CDH13: variants seen among roughly 807,000 people sequenced by gnomAD.
CDH13 encodes the protein cadherin-13.
A neutral mutation model predicts 63.8 loss-of-function variants in CDH13; 24 were observed. The ratio of observed to expected loss-of-function variants is 0.38; its 90% CI spans 0.27 to 0.53. CDH13 has a LOEUF of 0.53. Among genes scored for constraint, CDH13 ranks in the 20% least tolerant of loss-of-function variants. The probability of loss-of-function intolerance (pLI) is 0.85; values close to 1 mark genes in which losing one functional copy is unlikely to be tolerated. For missense variants in CDH13, 1,049 were observed against 903.1 expected (o/e 1.16, Z -2.07); for synonymous variants, 503 against 355.3 (o/e 1.42, Z -4.67).
chr16:83,284,154 A>C (rs1052952709), intron 5 of CDH13, among the ~76,000 whole-genome samples: 4 of 152,148 alleles, frequency 2.6e-5, no homozygotes, highest in Non-Finnish European at 2.9e-5. Flanking sequence ...ATTTCTTGTC[A>C]TTCATGAAGT....
At chr16:82,793,040 G>A (rs565816479) in intron 1 of CDH13, among the ~76,000 whole-genome samples, 3 of 152,366 alleles carry the variant, frequency 2.0e-5, no homozygotes, top group African/African-American at 7.2e-5. Flanking sequence ...GCAGCAGTCT[G>A]CCCCTGATGG....
intron 3 of CDH13, among the ~76,000 whole-genome samples, chr16:83,070,339 C>T (rs1159602419): frequency 6.6e-6 from 1 of 152,120 alleles, no homozygotes; most frequent in Non-Finnish European, 1.5e-5. Flanking sequence ...GCCTTCTGGC[C>T]ATAAGTACCA....
intron 6 of CDH13, among the ~76,000 whole-genome samples, chr16:83,422,388 T>TAG (rs1266007892): frequency 6.6e-6 from 1 of 152,218 alleles, no homozygotes; most frequent in Non-Finnish European, 1.5e-5. Flanking sequence ...CATGATGAAC[T>TAG]AGAACATCCA....
At chr16:83,236,886 G>T (rs1450836694) in intron 5 of CDH13, among the ~76,000 whole-genome samples, 1 of 152,086 alleles carries the variant, frequency 6.6e-6, no homozygotes, top group Non-Finnish European at 1.5e-5. Context: ...GAACTAGACA[G>T]AGGTGGTGGT....
At chr16:82,747,345 A>C (rs141741918) in intron 1 of CDH13, among the ~76,000 whole-genome samples, 49 of 152,294 alleles carry the variant, frequency 3.2e-4, no homozygotes, top group African/African-American at 1.1e-3. Flanking sequence ...TTAAAGTTAA[A>C]GTATGCACTT....
intron 1 of CDH13, among the ~76,000 whole-genome samples, chr16:82,828,559 A>C (rs1168922429): frequency 6.6e-6 from 1 of 152,122 alleles, no homozygotes; most frequent in African/African-American, 2.4e-5. Context: ...CCCGGGAGGC[A>C]GAGGTTGCAG....
At chr16:82,889,505 G>T (rs987762633) in intron 2 of CDH13, among the ~76,000 whole-genome samples, 2 of 152,240 alleles carry the variant, frequency 1.3e-5, no homozygotes, top group East Asian at 1.9e-4. Flanking sequence ...GGCATGTGCA[G>T]ATATGAGTGA....
chr16:83,131,092 C>T (rs8063435), intron 4 of CDH13, among the ~76,000 whole-genome samples: 9,422 of 151,476 alleles, frequency 0.062, 982 homozygotes, highest in African/African-American at 0.21. Flanking sequence ...TCTGCTTTTC[C>T]GTAATACGAG....
At chr16:82,900,666 C>T (rs9646330) in intron 2 of CDH13, among the ~76,000 whole-genome samples, 22,020 of 152,110 alleles carry the variant, frequency 0.14, 1,762 homozygotes, top group African/African-American at 0.2. Flanking sequence ...GATGAACCAA[C>T]GTCCCCGAGG....
intron 7 of CDH13, among the ~76,000 whole-genome samples, chr16:83,549,277 A>G (rs1567755932): frequency 6.6e-6 from 1 of 151,916 alleles, no homozygotes; most frequent in African/African-American, 2.4e-5. Context: ...TCTCCAGGTC[A>G]CCTCTCTGTG....
intron 4 of CDH13, among the ~76,000 whole-genome samples, chr16:83,165,730 A>G (rs1597450397): frequency 6.6e-6 from 1 of 152,154 alleles, no homozygotes; most frequent in Non-Finnish European, 1.5e-5. Flanking sequence ...AAAAATACAC[A>G]TGGGTGCCGG....
chr16:82,721,691 A>G (rs2032780213), intron 1 of CDH13, among the ~76,000 whole-genome samples: 1 of 152,232 alleles, frequency 6.6e-6, no homozygotes, highest in Non-Finnish European at 1.5e-5. Flanking sequence ...GTGCCAGGTC[A>G]TTCTGGTCTT....
At chr16:82,992,410 A>C (rs1911759149) in intron 2 of CDH13, among the ~76,000 whole-genome samples, 8 of 152,212 alleles carry the variant, frequency 5.3e-5, no homozygotes, top group Admixed American at 5.2e-4. Context: ...TATATAAAAA[A>C]TATCTTTAAG....
intron 4 of CDH13, among the ~76,000 whole-genome samples, chr16:83,197,271 GTA>G (rs71148817): frequency 0.14 from 21,104 of 147,216 alleles, 1,553 homozygotes; most frequent in South Asian, 0.17. Flanking sequence ...TGTATCATAG[GTA>G]TATATATATA....
At chr16:83,332,534 A>T (rs755018759) in intron 5 of CDH13, among the ~76,000 whole-genome samples, 3 of 152,216 alleles carry the variant, frequency 2.0e-5, no homozygotes, top group African/African-American at 4.8e-5. Context: ...GAAAAAGGGC[A>T]CGTAAAAATA....
intron 1 of CDH13, among the ~76,000 whole-genome samples, chr16:82,664,870 C>T (rs969041027): frequency 1.3e-5 from 2 of 152,154 alleles, no homozygotes; most frequent in Admixed American, 1.3e-4. Context: ...CATATATATT[C>T]TTACATATTT....
At chr16:82,839,575 C>A (rs1385071925) in intron 1 of CDH13, among the ~76,000 whole-genome samples, 1 of 152,172 alleles carries the variant, frequency 6.6e-6, no homozygotes, top group Non-Finnish European at 1.5e-5. Flanking sequence ...GCTCCAATTA[C>A]CTTCATTCTG....
intron 5 of CDH13, among the ~76,000 whole-genome samples, chr16:83,266,443 C>T (rs1362436114): frequency 2.0e-5 from 3 of 152,160 alleles, no homozygotes; most frequent in Non-Finnish European, 4.4e-5. Flanking sequence ...TTGAATTTAT[C>T]ACTTAATGGC....
chr16:83,493,036 TG>T (rs2074052036), intron 7 of CDH13, among the ~76,000 whole-genome samples: 1 of 151,774 alleles, frequency 6.6e-6, no homozygotes, highest in African/African-American at 2.4e-5. Flanking sequence ...TTTGGTTTTT[TG>T]TTTGTTTGTC....
Sources: allele counts gnomAD v4.1 joint callset (sites outside exome capture counted in the v4.1 genomes callset), GRCh38; gene constraint gnomAD v4.1.1; transcripts MANE v1.5; gene names NCBI Gene and HGNC (gene_info 2026-07-23, HGNC 2026-07-21).